SLC39A7: variants seen among roughly 807,000 people sequenced by gnomAD.
SLC39A7 encodes the protein zinc transporter SLC39A7.
In SLC39A7, 25 loss-of-function variants were observed where a neutral mutation model predicts 39.7. The ratio of observed to expected loss-of-function variants is 0.63; its 90% confidence interval spans 0.46 to 0.88. SLC39A7 has a LOEUF of 0.88. Among genes scored for constraint, SLC39A7 ranks in the 40% least tolerant of loss-of-function variants. The pLI, the probability that SLC39A7 is intolerant of heterozygous loss-of-function variation, is 0.00. For synonymous variants in SLC39A7, 181 were observed against 234.1 expected, an observed-to-expected ratio of 0.77 and a Z score of 2.07; for missense variants, 501 against 592.1, an observed-to-expected ratio of 0.85 and a Z score of 1.60.
rs1189580935 is a variant in SLC39A7 at position 33,201,880 on chromosome 6, G to T, written c.547G>T (p.Asp183Tyr). 8 of 1,612,792 alleles carry T rather than the reference G, an allele frequency of 5.0e-6. No homozygotes were observed. In the South Asian group the frequency reaches 8.8e-5, roughly 18 times the overall value. ...TTTTGCTTCCGGTGGGCTCCTGGGAGATGCTTTCCTGCACCTCATTCCTCA... is the reference window on the plus strand; with the variant it reads ...TTTTGCTTCCGGTGGGCTCCTGGGATATGCTTTCCTGCACCTCATTCCTCA... ...LSFASGGLLGDAFLHLIPHAL... is the reference protein window; with the variant it reads ...LSFASGGLLGYAFLHLIPHAL... The change falls in exon 2 of 7, where the codon GAT becomes TAT. Residue 183 changes from aspartate to tyrosine, a missense_variant. Transcript: ENST00000374677. The surrounding 1 kb of genome is among the most constrained non-coding windows in gnomAD (Gnocchi z 5.9).
At position 33,203,994 on chromosome 6, in the gene SLC39A7, G is replaced by C. The variant is rs1055115858; in HGVS notation, c.*181G>C. 1.6e-6 allele frequency: 1 copy of C among 632,480 alleles called. No individual in the cohort carries two copies. The highest frequency in any genetic ancestry group is 1.8e-5 in the African/African-American group (1 of 54,592). The allele number at this position is 632,480 out of a possible 1,614,324, so 39.2% of individuals were successfully genotyped here. ...AGTCTTACAGAGGCTGGAGCGGTGA[G>C]AATGAGAGGCCAGAGGGACCATAGT... On this transcript the variant is annotated 3_prime_UTR_variant, in exon 7 of 7. Coordinates refer to ENST00000374677, the MANE Select transcript of SLC39A7 (RefSeq NM_006979.3).
At position 33,201,420 on chromosome 6, in the gene SLC39A7, AGCCATGCCCATGGCCATG is replaced by A. The variant is rs760252457; in HGVS notation, c.180_197del (p.Ala61_His66del). ...ACATGAAGATTTCCACCATGGCCAC[AGCCATGCCCATGGCCATG>A]GCCACACTCACGAGAGCATCTGGCA... On this transcript the variant is annotated inframe_deletion, in exon 1 of 7. Transcript: ENST00000374677. The surrounding 1 kb of genome is among the most constrained non-coding windows in gnomAD (Gnocchi z 5.9). The A allele has an allele frequency of 1.4e-5, 23 of 1,613,702 alleles. No individual in the cohort carries two copies. In the South Asian group the frequency reaches 1.6e-4, roughly 12 times the overall value.
Position 33,203,884 on chromosome 6 carries a change from G to A in SLC39A7, c.*71G>A. On this transcript the variant is annotated 3_prime_UTR_variant, in exon 7 of 7. Coordinates refer to ENST00000374677, the MANE Select transcript of SLC39A7 (RefSeq NM_006979.3). ...AGGTCAGGGGTGCGTAGAGGTTGGG[G>A]GCCCTGGCCAGGGACATCTGCCAAA... The A allele has an allele frequency of 6.6e-7, 1 of 1,514,624 alleles. No homozygotes were observed. Among genetic ancestry groups the A allele is most frequent in the South Asian group, 1.1e-5 (1 of 87,826 alleles). 93.8% of individuals were successfully genotyped at this position (1,514,624 alleles called of 1,614,324 possible). A position where few individuals can be genotyped will look rare whatever the true frequency, so the allele number is the denominator to read the frequency against.
chr6:33,201,725 C>G lies in SLC39A7; in HGVS notation c.412-20C>G. On this transcript the variant is annotated intron_variant, in intron 1 of 6. Transcript: ENST00000374677. The surrounding 1 kb of genome is among the most constrained non-coding windows in gnomAD (Gnocchi z 5.9). ...TGTTGGGAAACTCCACAGTACTTGACCTTGACTCTCCCTCACCAGGCACTG... is the reference window on the plus strand; with the variant it reads ...TGTTGGGAAACTCCACAGTACTTGAGCTTGACTCTCCCTCACCAGGCACTG... 2 of 1,613,914 alleles carry G rather than the reference C, an allele frequency of 1.2e-6. No homozygotes were observed. The highest frequency in any genetic ancestry group is 1.7e-6 in the Non-Finnish European group (2 of 1,179,928).
intron 6 of SLC39A7, 63 bp from the exon 7 acceptor site, chr6:33,203,478 C>T: frequency 6.3e-7 from 1 of 1,585,232 alleles, no homozygotes; most frequent in Middle Eastern, 1.7e-4. Context: ...CCACCAGCCA[C>T]TTCTAAACCA....
rs763477698 is a variant in SLC39A7, at chr6:33,202,335, T to C, written c.707T>C (p.Phe236Ser). The C allele has an allele frequency of 6.2e-7, 1 of 1,613,032 alleles. No homozygotes were observed. The highest frequency in any genetic ancestry group is 8.5e-7 in the Non-Finnish European group (1 of 1,180,040). The change falls in exon 4 of 7, where the codon TTT becomes TCT. Residue 236 changes from phenylalanine to serine, a missense_variant. Coordinates refer to ENST00000374677, the MANE Select transcript of SLC39A7 (RefSeq NM_006979.3). ...GTTGCCTTTCTTGTCGTGGAGAAATTTGTGAGACATGTGAAAGGAGGACAT... is the reference window on the plus strand; with the variant it reads ...GTTGCCTTTCTTGTCGTGGAGAAATCTGTGAGACATGTGAAAGGAGGACAT... Reference protein sequence around the residue: ...GIVAFLVVEKFVRHVKGGHGH... With the variant: ...GIVAFLVVEKSVRHVKGGHGH...
chr6:33,201,932 C>A lies in SLC39A7; in HGVS notation c.580+19C>A, dbSNP rs201620639. ...GCTCTTGGTAAGTAACCTCTGACTT[C>A]TACCTCAAATCTAACCTATTTCGTT... is the stretch of plus-strand genomic sequence containing the variant. On this transcript the variant is annotated intron_variant, in intron 2 of 6. Coordinates refer to ENST00000374677, the MANE Select transcript of SLC39A7 (RefSeq NM_006979.3). The surrounding 1 kb of genome is among the most constrained non-coding windows in gnomAD (Gnocchi z 5.9). The A allele has an allele frequency of 6.2e-7, 1 of 1,611,818 alleles. No homozygotes were observed. The highest frequency in any genetic ancestry group is 1.3e-5 in the African/African-American group (1 of 75,040).
rs1380689185 is a variant in SLC39A7, at chr6:33,201,035, T to TGGTGAAAGATTAGTGTCCCAG, written c.-208_-188dup. On this transcript the variant is annotated 5_prime_UTR_variant, in exon 1 of 7. Coordinates refer to ENST00000374677, the MANE Select transcript of SLC39A7 (RefSeq NM_006979.3). The surrounding 1 kb of genome is among the most constrained non-coding windows in gnomAD (Gnocchi z 5.9). The stretch of plus-strand genomic sequence containing the variant: ...GGGCCCAGAGAGTCTGTAAAGTGGC[T>TGGTGAAAGATTAGTGTCCCAG]GGTGAAAGATTAGTGTCCCAGGGCC... 1 of 753,720 alleles carries TGGTGAAAGATTAGTGTCCCAG rather than the reference T, an allele frequency of 1.3e-6. No individual in the cohort carries two copies. The highest frequency in any genetic ancestry group is 2.3e-6 in the Non-Finnish European group (1 of 426,246). The allele number at this position is 753,720 out of a possible 1,614,324, so 46.7% of individuals were successfully genotyped here. A position where few individuals can be genotyped will look rare whatever the true frequency, so the allele number is the denominator to read the frequency against.
chr6:33,202,175 GTCTC>G, intron 3 of SLC39A7, 50 bp downstream of exon 3: 1 of 1,603,932 alleles, frequency 6.2e-7, no homozygotes, highest in Non-Finnish European at 8.5e-7. Context: ...GGGAAGGTCC[GTCTC>G]TCCCTATTCC....
chr6:33,201,781 T>C lies in SLC39A7; in HGVS notation c.448T>C (p.Phe150Leu). 1 of 1,613,898 alleles carries C rather than the reference T, an allele frequency of 6.2e-7. No homozygotes were observed. The highest frequency in any genetic ancestry group is 8.5e-7 in the Non-Finnish European group (1 of 1,179,994). Residue 150 changes from phenylalanine (F) to leucine (L), a missense_variant, in exon 2 of 7, where the codon TTT becomes CTT. Transcript: ENST00000374677. The surrounding 1 kb of genome is among the most constrained non-coding windows in gnomAD (Gnocchi z 5.9). Reference sequence around the variant, plus strand: ...CACAGTGCTGATCTCAGCAGCTCCATTTTTTGTCCTCTTCCTTATCCCCGT... The same window carrying C: ...CACAGTGCTGATCTCAGCAGCTCCACTTTTTGTCCTCTTCCTTATCCCCGT... ...GATVLISAAP[F>L]FVLFLIPVES...
chr6:33,202,768 G>A (rs900462770), intron 5 of SLC39A7, 68 bp downstream of exon 5: 38 of 1,555,876 alleles, frequency 2.4e-5, no homozygotes, highest in African/African-American at 2.2e-4. Flanking sequence ...AATATGTGCT[G>A]TGGGTAATGG....
intron 6 of SLC39A7, 149 bp from the exon 7 acceptor site, chr6:33,203,392 T>G (rs112551668): frequency 2.4e-6 from 2 of 844,688 alleles, no homozygotes; most frequent in Non-Finnish European, 3.6e-6. Context: ...TCAGAAATTG[T>G]CTATTCTAGA....
In SLC39A7 at chr6:33,201,265, C is replaced by G. The variant is rs2975298; in HGVS notation, c.20C>G (p.Ala7Gly). MARGLG[A>G]PHWVAVGLLT... ...AGCGTGATGGCCAGAGGCCTGGGGG[C>G]CCCCCACTGGGTGGCCGTGGGACTG... Residue 7 changes from alanine (A) to glycine (G), a missense_variant, in exon 1 of 7, where the codon GCC (alanine) becomes GGC (glycine). By Grantham distance (60) the Ala-to-Gly change is moderately conservative (BLOSUM62 0). Transcript: ENST00000374677. This position sits in a 1 kb window ranked among gnomAD's most constrained non-coding sequence, Gnocchi z 5.9. 1.2e-6 allele frequency: 2 copies of G among 1,612,532 alleles called. No homozygotes were observed. Among genetic ancestry groups the G allele is most frequent in the Non-Finnish European group, 1.7e-6 (2 of 1,179,376 alleles).
At chr6:33,203,457 ATACC>A (rs1774777386) in intron 6 of SLC39A7, 80 bp from the exon 7 acceptor site, 1 of 1,414,244 alleles carries the variant, frequency 7.1e-7, no homozygotes, top group Non-Finnish European at 9.9e-7. Flanking sequence ...CATGTCCCCT[ATACC>A]TATACCCCAC....
In SLC39A7 at chr6:33,201,827, A is replaced by G. The variant is rs773007195; in HGVS notation, c.494A>G (p.His165Arg). The G allele has an allele frequency of 3.1e-6, 5 of 1,613,134 alleles. No homozygotes were observed. The East Asian group carries it at 6.7e-5, about 22-fold the overall frequency. ...CCCGTGGAGTCGAACTCTCCCCGGC[A>G]TCGCTCTCTACTTCAGATCTTGCTC... ...LIPVESNSPR[H>R]RSLLQILLSF... is the part of the protein sequence containing the mutation. The change falls in exon 2 of 7, where the codon CAT becomes CGT. Residue 165 changes from histidine (H) to arginine (R), a missense_variant. Coordinates refer to ENST00000374677, the MANE Select transcript of SLC39A7 (RefSeq NM_006979.3). This position sits in a 1 kb window ranked among gnomAD's most constrained non-coding sequence, Gnocchi z 5.9.
Position 33,201,027 on chromosome 6 carries a change from A to G in SLC39A7, c.-219A>G. On this transcript the variant is annotated 5_prime_UTR_variant, in exon 1 of 7. An upstream open reading frame in the 5' UTR loses its in-frame stop. Transcript: ENST00000374677. This position sits in a 1 kb window ranked among gnomAD's most constrained non-coding sequence, Gnocchi z 5.9. Reference sequence around the variant, plus strand: ...AGAGACGAGGGCCCAGAGAGTCTGTAAAGTGGCTGGTGAAAGATTAGTGTC... The same window carrying G: ...AGAGACGAGGGCCCAGAGAGTCTGTGAAGTGGCTGGTGAAAGATTAGTGTC... The G allele has an allele frequency of 4.0e-6, 3 of 758,628 alleles. No individual in the cohort carries two copies. The highest frequency in any genetic ancestry group is 3.0e-5 in the South Asian group (2 of 66,894). The allele number at this position is 758,628 out of a possible 1,614,324, so 47.0% of individuals were successfully genotyped here. A position where few individuals can be genotyped will look rare whatever the true frequency, so the allele number is the denominator to read the frequency against.
chr6:33,201,951 T>C lies in SLC39A7; in HGVS notation c.580+38T>C, dbSNP rs1281709520. ...TGACTTCTACCTCAAATCTAACCTATTTCGTTCTTTGGAGGAAAAGGGTTC... is the reference window on the plus strand; with the variant it reads ...TGACTTCTACCTCAAATCTAACCTACTTCGTTCTTTGGAGGAAAAGGGTTC... On this transcript the variant is annotated intron_variant, in intron 2 of 6. Transcript: ENST00000374677. This position sits in a 1 kb window ranked among gnomAD's most constrained non-coding sequence, Gnocchi z 5.9. The C allele has an allele frequency of 1.9e-6, 3 of 1,609,054 alleles. No homozygotes were observed. In the South Asian group the frequency reaches 3.3e-5, roughly 18 times the overall value.
In SLC39A7 at chr6:33,203,776, G is replaced by T; in HGVS notation, c.1373G>T (p.Gly458Val). Residue 458 changes from glycine to valine, a missense_variant, in exon 7 of 7, where the codon GGA (glycine) becomes GTA (valine). Gly to Val is a moderately radical substitution (Grantham distance 109). Coordinates refer to ENST00000374677, the MANE Select transcript of SLC39A7 (RefSeq NM_006979.3). The part of the protein sequence containing the change: ...SLLEVLGLLG[G>V]VIMMVLIAHL... ...CTGGAGGTGCTGGGGCTGCTGGGGGGAGTTATCATGATGGTGCTGATTGCC... is the reference window on the plus strand; with the variant it reads ...CTGGAGGTGCTGGGGCTGCTGGGGGTAGTTATCATGATGGTGCTGATTGCC... 6.2e-7 allele frequency: 1 copy of T among 1,614,200 alleles called. No homozygotes were observed. Among genetic ancestry groups the T allele is most frequent in the African/African-American group, 1.3e-5 (1 of 75,048 alleles).
Position 33,203,469 on chromosome 6 carries a change from C to T in SLC39A7, c.1138-72C>T, listed in dbSNP as rs1774779180. On this transcript the variant is annotated intron_variant, in intron 6 of 6. Coordinates refer to ENST00000374677, the MANE Select transcript of SLC39A7 (RefSeq NM_006979.3). ...ATCCATGTCCCCTATACCTATACCC[C>T]ACCAGCCACTTCTAAACCACTGATA... 2.0e-6 allele frequency: 3 copies of T among 1,529,720 alleles called. No homozygotes were observed. In the East Asian group the frequency reaches 6.8e-5, roughly 35 times the overall value. The allele number at this position is 1,529,720 out of a possible 1,614,324, so 94.8% of individuals were successfully genotyped here.
Sources: allele counts gnomAD v4.1 joint callset, GRCh38; gene constraint gnomAD v4.1.1; non-coding constraint Gnocchi (gnomAD v3.1); transcripts MANE v1.5; gene names NCBI Gene and HGNC (gene_info 2026-07-23, HGNC 2026-07-21).